LINGO2: variants seen among roughly 807,000 people sequenced by gnomAD.
LINGO2 encodes the protein leucine rich repeat and Ig domain containing 2.
LINGO2 carries 14 observed loss-of-function variants against 30.6 expected under a neutral mutation model. The ratio of observed to expected loss-of-function variants is 0.46; its 90% CI spans 0.30 to 0.72. LINGO2 has a LOEUF of 0.72. LINGO2 is among the 30% of genes least tolerant of loss of function. LINGO2 has a pLI of 0.07. For missense variants in LINGO2, 729 were observed against 751.7 expected, an observed-to-expected ratio of 0.97 and a Z score of 0.35; for synonymous variants, 317 against 288.5, an observed-to-expected ratio of 1.10 and a Z score of -1.00.
At chr9:28,232,492 A>G (rs570591808) in intron 4 of LINGO2, among the ~76,000 whole-genome samples, 1 of 151,838 alleles carries the variant, frequency 6.6e-6, no homozygotes, top group African/African-American at 2.4e-5. Flanking sequence ...AAAACTGTCG[A>G]AGTTAGATAT....
downstream of LINGO2, chr9:27,943,616 G>GCTT (rs3064643): frequency 6.1e-5 from 9 of 148,584 alleles, no homozygotes; most frequent in East Asian, 9.9e-4. Flanking sequence ...TAGCTGGAGG[G>GCTT]TTTTTTTTTT....
chr9:28,898,600 A>G, the LINGO2 span, among the ~76,000 whole-genome samples: 1 of 152,006 alleles, frequency 6.6e-6, no homozygotes, highest in Non-Finnish European at 1.5e-5. Context: ...TTTTTAAAAT[A>G]CATATTAGAA....
Position 28,442,680 on chromosome 9 carries a change from A to T in LINGO2, c.-279+33260T>A, listed in dbSNP as rs143719168. On this transcript the variant is annotated intron_variant, in intron 2 of 5. Coordinates refer to ENST00000379992, the Ensembl canonical transcript of LINGO2. ...TTTGAAACAGCAATCAAGAGTTTAC[A>T]TTCAGGAGAGCCAGAGGCTTCTGCT... Among the ~76,000 whole-genome samples, 5 of 152,270 alleles carry T rather than the reference A, an allele frequency of 3.3e-5. No individual in the cohort carries two copies. The East Asian group carries it at 9.6e-4, about 29-fold the overall frequency.
rs1827906210 is a variant in LINGO2 at position 28,149,118 on chromosome 9, G to T, written c.-86-136713C>A. ...CAAAGAGAAGGACGCCTCCAGCAGG[G>T]CAACATGTGTAAGAACATGAGGGTG... On this transcript the variant is annotated intron_variant, in intron 4 of 5. Transcript: ENST00000379992. 3 of 1,516,388 alleles carry T rather than the reference G, an allele frequency of 2.0e-6. No homozygotes were observed. The African/African-American group carries it at 4.1e-5, about 21-fold the overall frequency. The allele number at this position is 1,516,388 out of a possible 1,614,324, so 93.9% of individuals were successfully genotyped here.
intron 4 of LINGO2, among the ~76,000 whole-genome samples, chr9:28,088,845 A>G (rs1013558761): frequency 2.8e-4 from 43 of 152,036 alleles, no homozygotes; most frequent in African/African-American, 9.9e-4. Flanking sequence ...ACACACATAG[A>G]CTCAAAATAA....
intron 1 of LINGO2, among the ~76,000 whole-genome samples, chr9:28,608,598 C>T (rs6476082): frequency 0.094 from 14,235 of 151,650 alleles, 862 homozygotes; most frequent in South Asian, 0.24. Flanking sequence ...TTGGTCCGCG[C>T]AAATTTTCAA....
intron 1 of LINGO2, among the ~76,000 whole-genome samples, chr9:28,642,056 G>A (rs1287715336): frequency 4.5e-5 from 6 of 132,628 alleles, no homozygotes; most frequent in Non-Finnish European, 6.3e-5. Flanking sequence ...ACATTTAAAT[G>A]TTATATATGT....
At chr9:29,037,490 T>G in the LINGO2 span, among the ~76,000 whole-genome samples, 1 of 151,960 alleles carries the variant, frequency 6.6e-6, no homozygotes, top group Non-Finnish European at 1.5e-5. Flanking sequence ...TGTCAAGACT[T>G]TTGGAATTTC....
At chr9:28,203,210 A>G (rs1425921714) in intron 4 of LINGO2, among the ~76,000 whole-genome samples, 1 of 152,032 alleles carries the variant, frequency 6.6e-6, no homozygotes, top group South Asian at 2.1e-4. Context: ...TAGTGTTTCA[A>G]TGTGTTCACT....
At chr9:28,671,844 A>C (rs541279166), upstream of LINGO2, among the ~76,000 whole-genome samples, 17 of 152,220 alleles carry the variant, frequency 1.1e-4, no homozygotes, top group South Asian at 8.3e-4. Context: ...CACATATAGA[A>C]GATTGGAACA....
intron 2 of LINGO2, among the ~76,000 whole-genome samples, chr9:28,388,263 A>T (rs192505296): frequency 6.2e-4 from 95 of 152,248 alleles, no homozygotes; most frequent in South Asian, 5.6e-3. Flanking sequence ...TCATTAATGT[A>T]TAGAGTATCC....
chr9:28,245,566 C>G (rs1411676781), intron 4 of LINGO2, among the ~76,000 whole-genome samples: 1 of 152,054 alleles, frequency 6.6e-6, no homozygotes, highest in Non-Finnish European at 1.5e-5. Flanking sequence ...TCATCTCAGC[C>G]CATAAGCTGA....
At chr9:29,197,712 C>T in the LINGO2 span, among the ~76,000 whole-genome samples, 2 of 151,964 alleles carry the variant, frequency 1.3e-5, no homozygotes, top group African/African-American at 2.4e-5. Context: ...TTTCACTGTC[C>T]TTTGCTGCAC....
the LINGO2 span, among the ~76,000 whole-genome samples, chr9:28,751,473 T>C: frequency 6.6e-6 from 1 of 152,008 alleles, no homozygotes; most frequent in South Asian, 2.1e-4. Context: ...TTTAGTCATC[T>C]GACCCATGAA....
At chr9:28,905,218 T>C in the LINGO2 span, among the ~76,000 whole-genome samples, 2 of 146,638 alleles carry the variant, frequency 1.4e-5, no homozygotes, top group African/African-American at 2.5e-5. Context: ...GTCTAGGAAA[T>C]AATATTTTGG....
At chr9:28,713,383 C>T in the LINGO2 span, among the ~76,000 whole-genome samples, 4 of 152,192 alleles carry the variant, frequency 2.6e-5, no homozygotes, top group South Asian at 4.2e-4. Context: ...CTGACTGTCT[C>T]TTCTTCTTGG....
chr9:27,966,764 G>A (rs767809994), intron 5 of LINGO2, among the ~76,000 whole-genome samples: 61 of 151,980 alleles, frequency 4.0e-4, no homozygotes, highest in Non-Finnish European at 7.9e-4. Context: ...ATAAATATGC[G>A]CCTCAACTTT....
chr9:28,551,632 C>T (rs1437394615), intron 1 of LINGO2, among the ~76,000 whole-genome samples: 1 of 152,052 alleles, frequency 6.6e-6, no homozygotes, highest in Non-Finnish European at 1.5e-5. Flanking sequence ...TTCTCAGAGG[C>T]AACCACTTTC....
chr9:28,201,087 T>C (rs1412036247), intron 4 of LINGO2, among the ~76,000 whole-genome samples: 1 of 151,940 alleles, frequency 6.6e-6, no homozygotes, highest in Non-Finnish European at 1.5e-5. Flanking sequence ...TCTTTTTTTT[T>C]TTATTATACT....
Sources: gnomAD v4.1 joint callset for allele counts (sites outside exome capture counted in the v4.1 genomes callset) on GRCh38, gnomAD v4.1.1 for gene constraint, MANE v1.5 for transcripts, NCBI Gene and HGNC (gene_info 2026-07-23, HGNC 2026-07-21) for gene names.